ERBIN: variants seen among roughly 807,000 people sequenced by gnomAD.
ERBIN encodes the protein erbb2 interacting protein, also known as densin-180-like protein.
A neutral mutation model predicts 158.4 loss-of-function variants in ERBIN; 60 were observed. The observed-to-expected ratio is 0.38, with a 90% CI of 0.31 to 0.47. ERBIN has a LOEUF of 0.47. Ranked by LOEUF, ERBIN falls within the 20% of genes least tolerant of loss-of-function variation. ERBIN has a pLI of 0.99. For synonymous variants in ERBIN, 594 were observed against 557.2 expected (o/e 1.07, Z -0.93); for missense variants, 1,610 against 1,648.0 (o/e 0.98, Z 0.40).
intron 1 of ERBIN, among the ~76,000 whole-genome samples, chr5:65,958,985 C>T (rs1326086018): frequency 6.6e-6 from 1 of 152,162 alleles, no homozygotes; most frequent in African/African-American, 2.4e-5. Context: ...ATTTCATCGG[C>T]ATGTAACCCC....
intron 18 of ERBIN, among the ~76,000 whole-genome samples, chr5:66,048,280 T>C (rs141736234): frequency 2.9e-4 from 44 of 152,118 alleles, no homozygotes; most frequent in African/African-American, 1.0e-3. Flanking sequence ...GCTAAGAAGT[T>C]TGAACTTAAT....
intron 14 of ERBIN, among the ~76,000 whole-genome samples, chr5:66,030,275 C>A (rs1189146219): frequency 6.6e-6 from 1 of 152,074 alleles, no homozygotes; most frequent in African/African-American, 2.4e-5. Context: ...CTCCTGACCT[C>A]AGGTAATCCG....
chr5:65,986,181 C>G (rs560873740), intron 1 of ERBIN, among the ~76,000 whole-genome samples: 2 of 152,360 alleles, frequency 1.3e-5, no homozygotes, highest in African/African-American at 4.8e-5. Context: ...CAGCTTGGAT[C>G]TCTTCCCACA....
At chr5:66,070,153 T>TC (rs1761397477) in intron 21 of ERBIN, among the ~76,000 whole-genome samples, 1 of 152,142 alleles carries the variant, frequency 6.6e-6, no homozygotes, top group Non-Finnish European at 1.5e-5. Context: ...CAAGCGATTC[T>TC]CCTGCCTCAT....
intron 17 of ERBIN, 120 bp downstream of exon 17, chr5:66,044,430 T>C (rs1758210128): frequency 3.2e-6 from 3 of 932,454 alleles, no homozygotes; most frequent in Admixed American, 2.9e-5. Context: ...CAGAATGATA[T>C]TTCGGTCGAC....
At chr5:66,042,680 T>C (rs1758027597) in intron 15 of ERBIN, among the ~76,000 whole-genome samples, 1 of 152,114 alleles carries the variant, frequency 6.6e-6, no homozygotes, top group Admixed American at 6.5e-5. Context: ...ATAGAAAATA[T>C]ATTGTAAGAA....
chr5:66,003,501 G>C (rs1453031308), intron 4 of ERBIN, among the ~76,000 whole-genome samples: 1 of 152,166 alleles, frequency 6.6e-6, no homozygotes, highest in East Asian at 1.9e-4. Context: ...AAGTTGATTA[G>C]AGTAGAACTA....
chr5:66,015,968 G>T (rs544447079), intron 7 of ERBIN, among the ~76,000 whole-genome samples: 2 of 152,170 alleles, frequency 1.3e-5, no homozygotes, highest in Non-Finnish European at 2.9e-5. Flanking sequence ...TAATGTTAAT[G>T]TATCTGTTTT....
chr5:65,978,409 C>T (rs1750272689), intron 1 of ERBIN, among the ~76,000 whole-genome samples: 1 of 152,022 alleles, frequency 6.6e-6, no homozygotes, highest in Non-Finnish European at 1.5e-5. Flanking sequence ...TCTCTTGTTT[C>T]CTAAGTTACA....
chr5:65,999,171 C>T (rs1330597695), intron 4 of ERBIN, among the ~76,000 whole-genome samples: 1 of 151,396 alleles, frequency 6.6e-6, no homozygotes, highest in Non-Finnish European at 1.5e-5. Flanking sequence ...GAGTTTGTGA[C>T]CAGCCTGGCG....
At chr5:65,958,535 C>T (rs867406135) in intron 1 of ERBIN, among the ~76,000 whole-genome samples, 4 of 151,944 alleles carry the variant, frequency 2.6e-5, no homozygotes, top group Non-Finnish European at 5.9e-5. Flanking sequence ...GCAGGAGAAT[C>T]AGGCAGGGAG....
At chr5:65,978,876 G>T (rs1035014081) in intron 1 of ERBIN, among the ~76,000 whole-genome samples, 1 of 152,180 alleles carries the variant, frequency 6.6e-6, no homozygotes, top group South Asian at 2.1e-4. Context: ...GACCCTGTTG[G>T]ACTTGAATCT....
intron 22 of ERBIN, 77 bp from the exon 23 acceptor site, chr5:66,074,938 CTTTTGTAAT>C: frequency 8.2e-7 from 1 of 1,213,114 alleles, no homozygotes; most frequent in Non-Finnish European, 1.2e-6. Context: ...AACTCTAGTG[CTTTTGTAAT>C]GCTCCAAGAA....
In ERBIN at chr5:66,072,277, G is replaced by A; in HGVS notation, c.3742G>A (p.Asp1248Asn). Residue 1248 changes from aspartate to asparagine, a missense_variant, in exon 22 of 26, where the codon GAC (aspartate) becomes AAC (asparagine). Asp to Asn is a conservative substitution (Grantham distance 23). Transcript: ENST00000284037. ...ATLSHKDVPPDSLMKMPLSNG... is the reference protein window; with the variant it reads ...ATLSHKDVPPNSLMKMPLSNG... ...ACTTAGTCACAAAGATGTTCCTCCA[G>A]ACAGCTTGATGAAAGTGGGTGCTCG... The A allele has an allele frequency of 6.5e-7, 1 of 1,550,152 alleles. No individual in the cohort carries two copies. Among genetic ancestry groups the A allele is most frequent in the Non-Finnish European group, 8.7e-7 (1 of 1,146,814 alleles).
At chr5:66,030,383 T>C (rs1414790878) in intron 14 of ERBIN, among the ~76,000 whole-genome samples, 1 of 152,068 alleles carries the variant, frequency 6.6e-6, no homozygotes, top group Non-Finnish European at 1.5e-5. Flanking sequence ...GTATCTGTTA[T>C]ATGTGGAACT....
intron 1 of ERBIN, among the ~76,000 whole-genome samples, chr5:65,978,412 A>G (rs761007501): frequency 6.6e-6 from 1 of 152,160 alleles, no homozygotes; most frequent in Non-Finnish European, 1.5e-5. Context: ...CTTGTTTCCT[A>G]AGTTACATCA....
At chr5:65,998,121 G>A (rs1372959337) in intron 4 of ERBIN, among the ~76,000 whole-genome samples, 1 of 151,906 alleles carries the variant, frequency 6.6e-6, no homozygotes, top group Non-Finnish European at 1.5e-5. Flanking sequence ...CAGCTAGTCA[G>A]GAGGCTGAGG....
At chr5:65,942,550 A>C (rs1745184910) in intron 1 of ERBIN, among the ~76,000 whole-genome samples, 1 of 152,256 alleles carries the variant, frequency 6.6e-6, no homozygotes, top group African/African-American at 2.4e-5. Flanking sequence ...AAAAGTTTAC[A>C]TCAATATTTG....
intron 21 of ERBIN, among the ~76,000 whole-genome samples, chr5:66,059,522 C>A (rs1040214808): frequency 6.6e-6 from 1 of 152,128 alleles, no homozygotes; most frequent in African/African-American, 2.4e-5. Context: ...AATTGAATAC[C>A]CTTTATTTCC....
Sources: allele counts gnomAD v4.1 joint callset (sites outside exome capture counted in the v4.1 genomes callset), GRCh38; gene constraint gnomAD v4.1.1; transcripts MANE v1.5; gene names NCBI Gene and HGNC (gene_info 2026-07-23, HGNC 2026-07-21).